The following CBLB variants were observed in gnomAD, a reference collection of about 807,000 sequenced individuals.
CBLB encodes the protein Cbl proto-oncogene B.
A neutral mutation model predicts 104.9 loss-of-function variants in CBLB; 31 were observed. The observed-to-expected ratio is 0.30, with a 90% CI of 0.22 to 0.40. CBLB has a LOEUF of 0.40. Among genes scored for constraint, CBLB ranks in the 10% least tolerant of loss-of-function variants. The pLI is 1.00. For missense variants in CBLB, 1,062 were observed against 1,214.6 expected, an observed-to-expected ratio of 0.87 and a Z score of 1.87; for synonymous variants, 440 against 422.6, an observed-to-expected ratio of 1.04 and a Z score of -0.51.
chr3:105,749,247 G>A (rs146541939), intron 5 of CBLB, among the ~76,000 whole-genome samples: 2 of 152,062 alleles, frequency 1.3e-5, no homozygotes, highest in East Asian at 1.9e-4. Context: ...AGAAATACAC[G>A]GGCTAACAAG....
chr3:105,777,537 C>T (rs993363413), intron 3 of CBLB, among the ~76,000 whole-genome samples: 3 of 152,164 alleles, frequency 2.0e-5, no homozygotes, highest in Non-Finnish European at 4.4e-5. Flanking sequence ...CTGATGTGAT[C>T]TCTTGAGCCA....
At chr3:105,805,507 T>C in intron 3 of CBLB, among the ~76,000 whole-genome samples, 1 of 152,188 alleles carries the variant, frequency 6.6e-6, no homozygotes, top group Admixed American at 6.5e-5. Flanking sequence ...GGTTTTGCCA[T>C]GTTGCCCAGG....
chr3:105,794,959 G>A (rs1012246986), intron 3 of CBLB, among the ~76,000 whole-genome samples: 6 of 148,748 alleles, frequency 4.0e-5, no homozygotes, highest in African/African-American at 9.9e-5. Flanking sequence ...CTCTGTCGCC[G>A]GGCTGGAGTG....
At chr3:105,869,099 CA>C, upstream of CBLB, 1 of 956,868 alleles carries the variant, frequency 1.0e-6, no homozygotes, top group African/African-American at 1.8e-5. Flanking sequence ...CAATGCCGCG[CA>C]ACCGCGCACT....
intron 3 of CBLB, among the ~76,000 whole-genome samples, chr3:105,837,319 A>C (rs2088696636): frequency 6.6e-6 from 1 of 152,248 alleles, no homozygotes; most frequent in Non-Finnish European, 1.5e-5. Flanking sequence ...TGGACTATTC[A>C]TGTCGAAAGC....
At chr3:105,838,053 T>G (rs1577692996) in intron 3 of CBLB, among the ~76,000 whole-genome samples, 1 of 150,720 alleles carries the variant, frequency 6.6e-6, no homozygotes, top group Admixed American at 6.6e-5. Flanking sequence ...AGAAGAGACA[T>G]AGCCTATTAC....
intron 3 of CBLB, among the ~76,000 whole-genome samples, chr3:105,835,367 G>A (rs1233535644): frequency 6.6e-6 from 1 of 152,112 alleles, no homozygotes; most frequent in Non-Finnish European, 1.5e-5. Context: ...GGGAAGCTGT[G>A]GGAAATTAGA....
At chr3:105,745,357 A>G (rs559137043) in intron 6 of CBLB, among the ~76,000 whole-genome samples, 2 of 152,236 alleles carry the variant, frequency 1.3e-5, no homozygotes, top group Non-Finnish European at 2.9e-5. Context: ...TAGTTTCATC[A>G]TGTGGAAAAT....
intron 4 of CBLB, among the ~76,000 whole-genome samples, chr3:105,767,339 T>G (rs1388561442): frequency 1.3e-5 from 2 of 151,976 alleles, no homozygotes; most frequent in East Asian, 3.8e-4. Context: ...GCTGGAAAGG[T>G]AAAGAAAGTA....
intron 3 of CBLB, among the ~76,000 whole-genome samples, chr3:105,777,819 A>C (rs1433447700): frequency 6.6e-6 from 1 of 152,158 alleles, no homozygotes. Flanking sequence ...CAAGATTTAA[A>C]CCATGCTTCA....
chr3:105,739,573 G>C (rs779648113), intron 7 of CBLB, among the ~76,000 whole-genome samples: 1 of 152,174 alleles, frequency 6.6e-6, no homozygotes, highest in Non-Finnish European at 1.5e-5. Context: ...TTTGTGTGTG[G>C]AGTGAGTGGG....
At chr3:105,786,514 T>C (rs1046789910) in intron 3 of CBLB, among the ~76,000 whole-genome samples, 4 of 152,158 alleles carry the variant, frequency 2.6e-5, no homozygotes, top group Admixed American at 6.5e-5. Context: ...TGACCATTGA[T>C]TACCAATCTT....
chr3:105,701,601 A>G (rs1430622973), intron 12 of CBLB, among the ~76,000 whole-genome samples: 1 of 152,078 alleles, frequency 6.6e-6, no homozygotes, highest in Non-Finnish European at 1.5e-5. Flanking sequence ...CATCTCTACT[A>G]AAAATACAAA....
intron 3 of CBLB, among the ~76,000 whole-genome samples, chr3:105,806,556 A>G (rs2083529611): frequency 2.0e-5 from 3 of 152,038 alleles, no homozygotes; most frequent in Non-Finnish European, 2.9e-5. Flanking sequence ...AAAGGTCACA[A>G]AGATATGATG....
intron 2 of CBLB, among the ~76,000 whole-genome samples, chr3:105,863,533 A>G (rs950442506): frequency 6.6e-6 from 1 of 152,242 alleles, no homozygotes; most frequent in Non-Finnish European, 1.5e-5. Flanking sequence ...TCCACATGGA[A>G]TATCTTTCAG....
rs71627686 is a variant in CBLB, at chr3:105,684,557, C to CT, written c.2201+762dup. Among the ~76,000 whole-genome samples, 457 of 146,832 alleles carry CT rather than the reference C, an allele frequency of 3.1e-3. 1 individual carries two copies. Among genetic ancestry groups the CT allele is most frequent in the Non-Finnish European group, 4.9e-3 (324 of 66,544 alleles). ...AAAAACCCCCATTATTCCACACATT[C>CT]TTTTTTTTTTTTTGAGATGGTGTCT... On this transcript the variant is annotated intron_variant, in intron 14 of 18. Transcript: ENST00000394030.
At chr3:105,746,123 T>A in intron 5 of CBLB, 85 bp from the exon 6 acceptor site, 2 of 906,786 alleles carry the variant, frequency 2.2e-6, no homozygotes, top group Non-Finnish European at 3.5e-6. Context: ...TTAATACACT[T>A]AACATTATCT....
chr3:105,702,476 G>GAAAAAA lies in CBLB; in HGVS notation c.1594-23_1594-18dup, dbSNP rs34208930. ...AGGAGAAGACTAAAGAAACAGAAGA[G>GAAAAAA]AAAAAAAAAAAAAAAAAAAAAAACT... On this transcript the variant is annotated splice_polypyrimidine_tract_variant and intron_variant, in intron 11 of 18. Transcript: ENST00000394030. 1,454 of 277,764 alleles carry GAAAAAA rather than the reference G, an allele frequency of 5.2e-3. 8 individuals are homozygous for GAAAAAA. Among genetic ancestry groups the GAAAAAA allele is most frequent in the Middle Eastern group, 0.015 (9 of 594 alleles). The allele number at this position is 277,764 out of a possible 1,614,324, so 17.2% of individuals were successfully genotyped here. A position where few individuals can be genotyped will look rare whatever the true frequency, so the allele number is the denominator to read the frequency against.
At chr3:105,860,003 T>C (rs1241518268) in intron 2 of CBLB, among the ~76,000 whole-genome samples, 1 of 152,226 alleles carries the variant, frequency 6.6e-6, no homozygotes, top group Non-Finnish European at 1.5e-5. Context: ...TTTATGGTTT[T>C]CCACGAAGAT....
Sources: gnomAD v4.1 joint callset for allele counts (sites outside exome capture counted in the v4.1 genomes callset) on GRCh38, gnomAD v4.1.1 for gene constraint, MANE v1.5 for transcripts, NCBI Gene and HGNC (gene_info 2026-07-23, HGNC 2026-07-21) for gene names.